The following NKAIN3 variants were observed in gnomAD, a reference collection of about 807,000 sequenced individuals.
The protein encoded by NKAIN3 is sodium/potassium-transporting ATPase subunit beta-1-interacting protein 3.
NKAIN3 carries 25 observed loss-of-function variants against 30.2 expected under a neutral mutation model. The ratio of observed to expected loss-of-function variants is 0.83; its 90% confidence interval spans 0.60 to 1.16. NKAIN3 has a LOEUF of 1.16. NKAIN3 is among the 50% of genes most tolerant of loss of function. The pLI, the probability that NKAIN3 is intolerant of heterozygous loss-of-function variation, is 0.00. For missense variants in NKAIN3, 225 were observed against 254.1 expected, an observed-to-expected ratio of 0.89 and a Z score of 0.78; for synonymous variants, 91 against 89.6, an observed-to-expected ratio of 1.02 and a Z score of -0.09.
At chr8:62,862,521 G>T (rs2130789415) in intron 4 of NKAIN3, among the ~76,000 whole-genome samples, 1 of 151,706 alleles carries the variant, frequency 6.6e-6, no homozygotes, top group East Asian at 1.9e-4. Context: ...ACATTTTCAG[G>T]GACAAAAAAA....
intron 4 of NKAIN3, among the ~76,000 whole-genome samples, chr8:62,874,431 A>G (rs1249488604): frequency 6.6e-6 from 1 of 152,204 alleles, no homozygotes; most frequent in Non-Finnish European, 1.5e-5. Context: ...ACTCCAAACA[A>G]TTGAAAAGGA....
rs1292880857 is a variant in NKAIN3, at chr8:62,980,071, G to C, written c.*14664G>C. On this transcript the variant is annotated 3_prime_UTR_variant, in exon 7 of 7. Transcript: ENST00000623646. ...ACTGTTCTTTGCTTCCCAAAAGACA[G>C]AACAGCTCAGTCCTGGCTGCCACCT... The C allele has an allele frequency of 6.6e-6, 1 of 152,198 alleles. No individual in the cohort carries two copies. The allele number at this position is 152,198 out of a possible 1,614,324, so 9.4% of individuals were successfully genotyped here.
At chr8:62,714,293 G>A (rs1814818971) in intron 3 of NKAIN3, among the ~76,000 whole-genome samples, 1 of 150,690 alleles carries the variant, frequency 6.6e-6, no homozygotes, top group South Asian at 2.1e-4. Flanking sequence ...AACATACTAG[G>A]GTACCTAACT....
chr8:62,899,173 G>T (rs1821525454), intron 4 of NKAIN3, among the ~76,000 whole-genome samples: 1 of 152,156 alleles, frequency 6.6e-6, no homozygotes, highest in Admixed American at 6.5e-5. Context: ...ACAGTTTGGA[G>T]GTTTCTCAAA....
Position 62,983,555 on chromosome 8 carries a change from C to G in NKAIN3, c.*18148C>G, listed in dbSNP as rs1824133727. On this transcript the variant is annotated 3_prime_UTR_variant, in exon 7 of 7. Coordinates refer to ENST00000623646, the MANE Select transcript of NKAIN3 (RefSeq NM_001304533.3). The stretch of plus-strand genomic sequence containing the variant: ...AATTTAGGGAGTTTAGGAGATACAT[C>G]CTAGTGTGGATTTCACATGGTCAAT... The G allele has an allele frequency of 6.6e-6, 1 of 152,154 alleles. No individual in the cohort carries two copies. Among genetic ancestry groups the G allele is most frequent in the South Asian group, 2.1e-4 (1 of 4,824 alleles). 9.4% of individuals were successfully genotyped at this position (152,154 alleles called of 1,614,324 possible).
intron 1 of NKAIN3, among the ~76,000 whole-genome samples, chr8:62,396,080 A>G (rs996519074): frequency 2.6e-5 from 4 of 152,240 alleles, no homozygotes; most frequent in African/African-American, 4.8e-5. Context: ...TTAATAGCAC[A>G]CTATACAGAC....
intron 5 of NKAIN3, among the ~76,000 whole-genome samples, chr8:62,919,656 G>A (rs1203196549): frequency 1.3e-5 from 2 of 152,176 alleles, no homozygotes; most frequent in Non-Finnish European, 2.9e-5. Flanking sequence ...TGCAGTCATT[G>A]TTTGAATTTG....
At chr8:62,835,697 C>T (rs911692003) in intron 4 of NKAIN3, among the ~76,000 whole-genome samples, 2 of 152,062 alleles carry the variant, frequency 1.3e-5, no homozygotes, top group Non-Finnish European at 2.9e-5. Flanking sequence ...ACAACAGATG[C>T]TGGTGAGGCT....
chr8:62,462,874 A>G (rs967907784), intron 1 of NKAIN3, among the ~76,000 whole-genome samples: 1 of 152,188 alleles, frequency 6.6e-6, no homozygotes, highest in Non-Finnish European at 1.5e-5. Context: ...TGCACTTCAC[A>G]TATGGGCTTT....
intron 4 of NKAIN3, among the ~76,000 whole-genome samples, chr8:62,870,265 T>G (rs1462664825): frequency 0.017 from 1,672 of 97,796 alleles, 2 homozygotes; most frequent in Non-Finnish European, 0.029. Context: ...TATATATCTA[T>G]ATATAGATAT....
chr8:62,809,738 G>T (rs4513970), intron 4 of NKAIN3, among the ~76,000 whole-genome samples: 10 of 152,250 alleles, frequency 6.6e-5, no homozygotes, highest in African/African-American at 2.4e-4. Context: ...CACAATCTTA[G>T]GAAACTGTTT....
intron 1 of NKAIN3, chr8:62,344,822 T>C: frequency 2.3e-6 from 1 of 429,388 alleles, no homozygotes; most frequent in Non-Finnish European, 4.7e-6. Context: ...TTTTAAATTT[T>C]TTTCTTTCTG....
At chr8:62,299,239 C>T (rs1463107513) in intron 1 of NKAIN3, among the ~76,000 whole-genome samples, 1 of 151,986 alleles carries the variant, frequency 6.6e-6, no homozygotes, top group African/African-American at 2.4e-5. Context: ...AAACACTGTG[C>T]AAAGAAGAGA....
intron 1 of NKAIN3, among the ~76,000 whole-genome samples, chr8:62,565,342 G>A (rs890197533): frequency 6.8e-6 from 1 of 147,560 alleles, no homozygotes; most frequent in African/African-American, 2.5e-5. Flanking sequence ...ATGTGCATAT[G>A]TATACATGGG....
At chr8:62,763,285 A>C (rs1816732264) in intron 4 of NKAIN3, among the ~76,000 whole-genome samples, 1 of 149,106 alleles carries the variant, frequency 6.7e-6, no homozygotes, top group East Asian at 2.0e-4. Context: ...CCTAAAAAGA[A>C]GTATCATCTA....
intron 3 of NKAIN3, among the ~76,000 whole-genome samples, chr8:62,702,577 A>G (rs1257527562): frequency 1.3e-5 from 2 of 152,208 alleles, no homozygotes; most frequent in Non-Finnish European, 2.9e-5. Flanking sequence ...ACCAATGACT[A>G]AAGTAAACAT....
At chr8:62,351,738 G>T (rs546275377) in intron 1 of NKAIN3, among the ~76,000 whole-genome samples, 5 of 152,206 alleles carry the variant, frequency 3.3e-5, no homozygotes, top group East Asian at 1.9e-4. Context: ...AAATTGACCA[G>T]TTTTTGTGGT....
At chr8:62,608,348 T>C (rs1811189165) in intron 3 of NKAIN3, among the ~76,000 whole-genome samples, 1 of 152,180 alleles carries the variant, frequency 6.6e-6, no homozygotes, top group South Asian at 2.1e-4. Context: ...TTGAACTGTT[T>C]AATAATAGAG....
At chr8:62,253,925 C>T (rs1376574016) in intron 1 of NKAIN3, among the ~76,000 whole-genome samples, 1 of 152,212 alleles carries the variant, frequency 6.6e-6, no homozygotes, top group Non-Finnish European at 1.5e-5. Flanking sequence ...TTCTTCTCCT[C>T]TGCACTATAA....
Sources: gnomAD v4.1 joint callset for allele counts (sites outside exome capture counted in the v4.1 genomes callset) on GRCh38, gnomAD v4.1.1 for gene constraint, MANE v1.5 for transcripts, NCBI Gene and HGNC (gene_info 2026-07-23, HGNC 2026-07-21) for gene names.